DGKI: variants seen among roughly 807,000 people sequenced by gnomAD.
DGKI encodes the protein diacylglycerol kinase iota.
DGKI carries 55 observed loss-of-function variants against 147.5 expected under a neutral mutation model. The observed-to-expected ratio is 0.37, with a 90% CI of 0.30 to 0.47. The LOEUF (loss-of-function observed/expected upper bound fraction) is 0.47. Among genes scored for constraint, DGKI ranks in the 20% least tolerant of loss-of-function variants. The pLI is 1.00. For missense variants in DGKI, 1,007 were observed against 1,323.8 expected (o/e 0.76, Z 3.71); for synonymous variants, 469 against 477.1 (o/e 0.98, Z 0.22).
intron 10 of DGKI, among the ~76,000 whole-genome samples, chr7:137,604,259 G>A (rs1820095108): frequency 6.6e-6 from 1 of 152,158 alleles, no homozygotes; most frequent in Non-Finnish European, 1.5e-5. Context: ...ACCTTAGGGA[G>A]CCTGCACTTT....
Position 137,390,566 on chromosome 7 carries a change from T to G in DGKI, c.*654A>C, listed in dbSNP as rs139507605. ...GCCACCTCACCATTCCTCAGAGATATAGCACACAAGTTGACATTATCCATG... is the reference window on the plus strand; with the variant it reads ...GCCACCTCACCATTCCTCAGAGATAGAGCACACAAGTTGACATTATCCATG... On this transcript the variant is annotated 3_prime_UTR_variant, in exon 33 of 33. Coordinates refer to ENST00000614521, the MANE Select transcript of DGKI (RefSeq NM_001321708.2). The G allele has an allele frequency of 6.5e-6, 1 of 152,920 alleles. No homozygotes were observed. Among genetic ancestry groups the G allele is most frequent in the African/African-American group, 2.4e-5 (1 of 41,440 alleles). 9.5% of individuals were successfully genotyped at this position (152,920 alleles called of 1,614,324 possible).
intron 19 of DGKI, among the ~76,000 whole-genome samples, chr7:137,554,372 A>G (rs1229838458): frequency 4.6e-5 from 7 of 152,174 alleles, no homozygotes; most frequent in Non-Finnish European, 1.0e-4. Flanking sequence ...ATCATTTACT[A>G]TTAGTAATAC....
rs147681068 is a variant in DGKI, at chr7:137,657,383, A to T, written c.607-843T>A. Reference sequence around the variant, plus strand: ...CATTACACAATTCGGCCTCTCTGACAGTCAGTATTAGTTTAAAATTATAAT... The same window carrying T: ...CATTACACAATTCGGCCTCTCTGACTGTCAGTATTAGTTTAAAATTATAAT... On this transcript the variant is annotated intron_variant, in intron 3 of 32. Coordinates refer to ENST00000614521, the MANE Select transcript of DGKI (RefSeq NM_001321708.2). 2.2e-3 allele frequency among the ~76,000 whole-genome samples: 333 copies of T among 152,356 alleles called. 2 individuals carry two copies. Among genetic ancestry groups the T allele is most frequent in the African/African-American group, 7.5e-3 (310 of 41,570 alleles).
chr7:137,519,810 T>A (rs1427892746), intron 21 of DGKI, among the ~76,000 whole-genome samples: 1 of 152,074 alleles, frequency 6.6e-6, no homozygotes, highest in East Asian at 1.9e-4. Context: ...CATCACCGCA[T>A]ATTAAAAGTA....
chr7:137,846,539 G>A lies in DGKI; in HGVS notation c.324C>T (p.Ala108=), dbSNP rs1216101992. 1.3e-6 allele frequency: 2 copies of A among 1,552,986 alleles called. No homozygotes were observed. The highest frequency in any genetic ancestry group is 1.7e-5 in the Admixed American group (1 of 57,460). ...CTTCGTCCTTCTCCTTCTGGCCGGCGGCCGCGGGCTCGTCCAGGGCAGCGG... is the reference window on the plus strand; with the variant it reads ...CTTCGTCCTTCTCCTTCTGGCCGGCAGCCGCGGGCTCGTCCAGGGCAGCGG... ...AGAAALDEPA[A]AGQKEKDEAL... The change falls in exon 1 of 33, where the codon GCC becomes GCT. Residue 108 remains alanine, a synonymous_variant. Transcript: ENST00000614521. This position sits in a 1 kb window ranked among gnomAD's most constrained non-coding sequence, Gnocchi z 4.0.
In DGKI at chr7:137,759,389, T is replaced by A. The variant is rs1585454176; in HGVS notation, c.402-69387A>T. Among the ~76,000 whole-genome samples, 3 of 152,086 alleles carry A rather than the reference T, an allele frequency of 2.0e-5. No individual in the cohort carries two copies. In the South Asian group the frequency reaches 6.2e-4, roughly 32 times the overall value. On this transcript the variant is annotated intron_variant, in intron 1 of 32. Coordinates refer to ENST00000614521, the MANE Select transcript of DGKI (RefSeq NM_001321708.2). Reference sequence around the variant, plus strand: ...GAAGTCTCACTCTTGTCCCCCAGGCTGGAGTGCGATGGCGCGATCTCAGCT... The same window carrying A: ...GAAGTCTCACTCTTGTCCCCCAGGCAGGAGTGCGATGGCGCGATCTCAGCT...
At chr7:137,447,141 A>T (rs544976255) in intron 27 of DGKI, among the ~76,000 whole-genome samples, 1 of 152,292 alleles carries the variant, frequency 6.6e-6, no homozygotes, top group African/African-American at 2.4e-5. Context: ...GCTTAAATGC[A>T]GCAAAATAAT....
chr7:137,395,573 T>C (rs1428690129), intron 32 of DGKI, 25 bp downstream of exon 32: 9 of 1,605,036 alleles, frequency 5.6e-6, no homozygotes, highest in Non-Finnish European at 7.7e-6. Context: ...AGCGGGAGGA[T>C]GTTTGCACTC....
Position 137,723,201 on chromosome 7 carries a change from C to A in DGKI, c.402-33199G>T, listed in dbSNP as rs554883281. Among the ~76,000 whole-genome samples, 6 of 152,242 alleles carry A rather than the reference C, an allele frequency of 3.9e-5. No homozygotes were observed. The South Asian group carries it at 1.2e-3, about 32-fold the overall frequency. The stretch of plus-strand genomic sequence containing the variant: ...CCTTAGACAAGGTTAGGTTCCTTTG[C>A]CATAGTAACTCTGTGTAATGAATGG... On this transcript the variant is annotated intron_variant, in intron 1 of 32. Transcript: ENST00000614521.
At chr7:137,628,430 A>G (rs1386926125) in intron 6 of DGKI, among the ~76,000 whole-genome samples, 3 of 152,224 alleles carry the variant, frequency 2.0e-5, no homozygotes, top group African/African-American at 7.2e-5. Context: ...AGACATAAAT[A>G]GAGCACATCA....
At chr7:137,711,896 G>T (rs746168906) in intron 1 of DGKI, among the ~76,000 whole-genome samples, 1 of 151,488 alleles carries the variant, frequency 6.6e-6, no homozygotes, top group African/African-American at 2.4e-5. Context: ...GTTTCACCAC[G>T]TTGGCCAGGA....
At chr7:137,657,180 T>C (rs1377903796) in intron 3 of DGKI, among the ~76,000 whole-genome samples, 2 of 152,228 alleles carry the variant, frequency 1.3e-5, no homozygotes, top group East Asian at 1.9e-4. Flanking sequence ...AATAGGAATA[T>C]AGTATTTGCT....
chr7:137,639,503 T>C (rs1821545720), intron 6 of DGKI, among the ~76,000 whole-genome samples: 1 of 152,112 alleles, frequency 6.6e-6, no homozygotes, highest in Non-Finnish European at 1.5e-5. Context: ...AAGGGGTCAT[T>C]TGCTTGTGTA....
intron 3 of DGKI, among the ~76,000 whole-genome samples, chr7:137,661,257 C>T (rs1427228542): frequency 6.6e-6 from 1 of 152,092 alleles, no homozygotes; most frequent in Non-Finnish European, 1.5e-5. Context: ...TTCTTAGTCT[C>T]CCCATCTCAG....
rs181491598 is a variant in DGKI at position 137,530,303 on chromosome 7, A to G, written c.2148-8337T>C. On this transcript the variant is annotated intron_variant, in intron 20 of 32. Transcript: ENST00000614521. The stretch of plus-strand genomic sequence containing the variant: ...TTCAAAACACTCTTCTGGTTTGCCA[A>G]CTAAGTTACCAGAAGCTCCTTCTTT... Among the ~76,000 whole-genome samples, 81 of 152,282 alleles carry G rather than the reference A, an allele frequency of 5.3e-4. No individual in the cohort carries two copies. In the East Asian group the frequency reaches 0.011, roughly 21 times the overall value.
intron 3 of DGKI, among the ~76,000 whole-genome samples, chr7:137,658,456 C>G (rs932924955): frequency 2.0e-5 from 3 of 152,156 alleles, no homozygotes; most frequent in Non-Finnish European, 2.9e-5. Flanking sequence ...ATTCATTTCC[C>G]ATGAAACTCC....
At chr7:137,411,198 T>C (rs573321468) in intron 29 of DGKI, among the ~76,000 whole-genome samples, 1 of 152,338 alleles carries the variant, frequency 6.6e-6, no homozygotes, top group East Asian at 1.9e-4. Context: ...GCCTCTGCCT[T>C]CAGGCAGCTG....
At chr7:137,472,900 C>A (rs1487284280) in intron 23 of DGKI, among the ~76,000 whole-genome samples, 1 of 151,974 alleles carries the variant, frequency 6.6e-6, no homozygotes, top group African/African-American at 2.4e-5. Context: ...TAAAAAAAAT[C>A]CTAATTTCTG....
intron 1 of DGKI, among the ~76,000 whole-genome samples, chr7:137,714,559 C>A (rs1440062232): frequency 6.6e-6 from 1 of 152,164 alleles, no homozygotes; most frequent in African/African-American, 2.4e-5. Flanking sequence ...TTGCCCAAAT[C>A]CCATGGTAGA....
Sources: gnomAD v4.1 joint callset for allele counts (sites outside exome capture counted in the v4.1 genomes callset) on GRCh38, gnomAD v4.1.1 for gene constraint, Gnocchi (gnomAD v3.1) non-coding constraint, MANE v1.5 for transcripts, NCBI Gene and HGNC (gene_info 2026-07-23, HGNC 2026-07-21) for gene names.